BSPH1: variants seen among roughly 807,000 people sequenced by gnomAD.
BSPH1 encodes the protein binder of sperm 1.
BSPH1 carries 21 observed loss-of-function variants against 22.5 expected under a neutral mutation model. The ratio of observed to expected loss-of-function variants is 0.93; its 90% CI spans 0.66 to 1.35. The LOEUF is 1.35. Among genes scored for constraint, BSPH1 ranks in the 40% most tolerant of loss-of-function variants. BSPH1 has a pLI of 0.00. For synonymous variants in BSPH1, 42 were observed against 53.6 expected, an observed-to-expected ratio of 0.78 and a Z score of 0.95; for missense variants, 141 against 154.2, an observed-to-expected ratio of 0.91 and a Z score of 0.45.
At chr19:47,990,697 T>TA (rs1478737867) in intron 1 of BSPH1, among the ~76,000 whole-genome samples, 1 of 152,170 alleles carries the variant, frequency 6.6e-6, no homozygotes, top group Admixed American at 6.5e-5. Context: ...GGTCATTCCA[T>TA]AAAAAATTGT....
intron 1 of BSPH1, 104 bp from the exon 2 acceptor site, chr19:47,981,045 GT>G: frequency 1.7e-6 from 1 of 604,328 alleles, no homozygotes; most frequent in Non-Finnish European, 2.8e-6. Flanking sequence ...TATTTTGAAA[GT>G]TAGACATCAA....
At chr19:47,973,645 T>C (rs1473547455) in intron 5 of BSPH1, among the ~76,000 whole-genome samples, 1 of 152,196 alleles carries the variant, frequency 6.6e-6, no homozygotes, top group Non-Finnish European at 1.5e-5. Flanking sequence ...GGACCCTTCC[T>C]TTCAGCCAGA....
At chr19:47,974,112 A>G (rs1288633914) in intron 5 of BSPH1, among the ~76,000 whole-genome samples, 1 of 151,148 alleles carries the variant, frequency 6.6e-6, no homozygotes, top group Non-Finnish European at 1.5e-5. Flanking sequence ...CTCTCTCTCC[A>G]CCCCTCATTC....
At chr19:47,971,171 A>G (rs1262303167) in intron 5 of BSPH1, among the ~76,000 whole-genome samples, 1 of 152,042 alleles carries the variant, frequency 6.6e-6, no homozygotes, top group Non-Finnish European at 1.5e-5. Flanking sequence ...CGATTTTGTG[A>G]GCCACTAATT....
At chr19:47,980,427 C>T (rs1969407958) in intron 2 of BSPH1, 1 of 532,462 alleles carries the variant, frequency 1.9e-6, no homozygotes, top group Non-Finnish European at 2.4e-6. Flanking sequence ...GTTTAATCAC[C>T]CAAAAGTAAA....
chr19:47,991,368 C>T (rs1966872808), intron 1 of BSPH1, among the ~76,000 whole-genome samples: 1 of 151,802 alleles, frequency 6.6e-6, no homozygotes, highest in African/African-American at 2.4e-5. Context: ...TCCTCTCTTT[C>T]CCTCCTCCCC....
At chr19:47,986,175 T>G (rs1367771220) in intron 1 of BSPH1, among the ~76,000 whole-genome samples, 6 of 152,208 alleles carry the variant, frequency 3.9e-5, no homozygotes, top group Non-Finnish European at 5.9e-5. Context: ...TTGGCCAAGA[T>G]TCTTGTTTGG....
intron 5 of BSPH1, among the ~76,000 whole-genome samples, chr19:47,970,864 C>A (rs756454032): frequency 3.9e-4 from 59 of 152,122 alleles, no homozygotes; most frequent in Non-Finnish European, 8.5e-4. Context: ...CTCAGGTAGT[C>A]GCTCCTTATG....
chr19:47,970,517 G>GT (rs1201600497), intron 5 of BSPH1, among the ~76,000 whole-genome samples: 1 of 152,192 alleles, frequency 6.6e-6, no homozygotes, highest in African/African-American at 2.4e-5. Flanking sequence ...AATAAGGATA[G>GT]TACAAAGGTT....
chr19:47,967,608 T>C (rs1221848908), downstream of BSPH1, among the ~76,000 whole-genome samples: 1 of 152,190 alleles, frequency 6.6e-6, no homozygotes, highest in African/African-American at 2.4e-5. Context: ...TCTCTGTCTG[T>C]CCAAATTTTC....
chr19:47,976,802 C>T lies in BSPH1; in HGVS notation c.309G>A (p.Glu103=). The part of the protein sequence containing the change: ...PFWYRRLIYW[E]CTDDGEAFGK... Reference sequence around the variant, plus strand: ...CAAATGCTTCCCCATCATCAGTACACTCCCAGTAGATCAAGCGTCTGTACC... The same window carrying T: ...CAAATGCTTCCCCATCATCAGTACATTCCCAGTAGATCAAGCGTCTGTACC... Residue 103 remains glutamate (E), a synonymous_variant, in exon 5 of 6, where the codon GAG becomes GAA. Coordinates refer to ENST00000344839, the MANE Select transcript of BSPH1 (RefSeq NM_001128326.2). 2.6e-6 allele frequency: 4 copies of T among 1,551,670 alleles called. 1 individual carries two copies. In the South Asian group the frequency reaches 3.6e-5, roughly 14 times the overall value.
chr19:47,976,948 C>A, intron 4 of BSPH1, 94 bp from the exon 5 acceptor site: 1 of 1,212,264 alleles, frequency 8.2e-7, no homozygotes, highest in South Asian at 1.4e-5. Flanking sequence ...CACATATGCA[C>A]ACATGTGCAT....
At chr19:47,974,985 T>A (rs1025980366) in intron 5 of BSPH1, among the ~76,000 whole-genome samples, 2 of 151,866 alleles carry the variant, frequency 1.3e-5, no homozygotes, top group Non-Finnish European at 2.9e-5. Flanking sequence ...AAAATACAAT[T>A]AAAAAAAACT....
chr19:47,980,742 CTCT>C (rs1010114320), intron 2 of BSPH1, among the ~76,000 whole-genome samples, 176 bp downstream of exon 2: 14 of 151,914 alleles, frequency 9.2e-5, no homozygotes, highest in South Asian at 6.2e-4. Flanking sequence ...AGTGCTGGGA[CTCT>C]TCTTCTTTTT....
chr19:47,969,690 A>G (rs765064630), intron 5 of BSPH1, among the ~76,000 whole-genome samples: 1 of 50,512 alleles, frequency 2.0e-5, no homozygotes, highest in African/African-American at 3.6e-5. Context: ...AGGGGGAGAG[A>G]GAGAGAGAGA....
At chr19:47,987,535 A>G (rs1969482946) in intron 1 of BSPH1, among the ~76,000 whole-genome samples, 1 of 151,962 alleles carries the variant, frequency 6.6e-6, no homozygotes, top group Non-Finnish European at 1.5e-5. Flanking sequence ...ACAGGCACAC[A>G]CTACCATAGC....
intron 1 of BSPH1, among the ~76,000 whole-genome samples, chr19:47,987,641 A>T (rs1969483672): frequency 6.6e-6 from 1 of 152,036 alleles, no homozygotes; most frequent in Admixed American, 6.6e-5. Context: ...CCCACCTTGA[A>T]CTATGCATGG....
intron 3 of BSPH1, among the ~76,000 whole-genome samples, chr19:47,978,031 G>GATATATATAT (rs1172516155): frequency 5.0e-5 from 4 of 80,622 alleles, no homozygotes; most frequent in African/African-American, 2.0e-4. Context: ...TATATATATA[G>GATATATATAT]TTATAGGTGC....
intron 1 of BSPH1, among the ~76,000 whole-genome samples, chr19:47,991,558 T>A (rs12985035): frequency 2.5e-5 from 1 of 40,780 alleles, no homozygotes. Context: ...CTCCTCCCGG[T>A]CATCCTCCTC....
Sources: allele counts gnomAD v4.1 joint callset (sites outside exome capture counted in the v4.1 genomes callset), GRCh38; gene constraint gnomAD v4.1.1; transcripts MANE v1.5; gene names NCBI Gene and HGNC (gene_info 2026-07-23, HGNC 2026-07-21).